Variants in GRAMD2B observed in about 807,000 individuals in gnomAD.
The protein encoded by GRAMD2B is GRAM domain containing 2B.
In GRAMD2B, 41 loss-of-function variants were observed where a neutral mutation model predicts 59.2. The observed-to-expected ratio is 0.69, with a 90% CI of 0.54 to 0.90. GRAMD2B has a LOEUF of 0.90. Ranked by LOEUF, GRAMD2B falls within the 40% of genes least tolerant of loss-of-function variation. The probability of loss-of-function intolerance (pLI) is 0.00; values close to 1 mark genes in which losing one functional copy is unlikely to be tolerated. For synonymous variants in GRAMD2B, 161 were observed against 182.7 expected (o/e 0.88, Z 0.96); for missense variants, 424 against 500.5 (o/e 0.85, Z 1.46).
At chr5:126,392,208 C>T (rs1269907291) in intron 1 of GRAMD2B, among the ~76,000 whole-genome samples, 1 of 152,126 alleles carries the variant, frequency 6.6e-6, no homozygotes, top group Non-Finnish European at 1.5e-5. Context: ...GTTGTGTTCC[C>T]CAAGACCAGC....
intron 1 of GRAMD2B, among the ~76,000 whole-genome samples, chr5:126,405,159 A>T (rs1311505566): frequency 6.6e-6 from 1 of 151,904 alleles, no homozygotes; most frequent in Non-Finnish European, 1.5e-5. Context: ...TAGGAAGAGG[A>T]GTAGAGGAAG....
At chr5:126,452,162 G>C (rs1211480154) in intron 1 of GRAMD2B, among the ~76,000 whole-genome samples, 1 of 152,160 alleles carries the variant, frequency 6.6e-6, no homozygotes, top group East Asian at 1.9e-4. Flanking sequence ...TCATGGTTTT[G>C]GAGGCTGGAA....
At chr5:126,459,750 C>T (rs1035547497) in intron 1 of GRAMD2B, among the ~76,000 whole-genome samples, 2 of 152,100 alleles carry the variant, frequency 1.3e-5, no homozygotes, top group Non-Finnish European at 2.9e-5. Context: ...TTTTGTGTGC[C>T]AGCTATTATG....
chr5:126,399,310 C>T (rs1025651118), intron 1 of GRAMD2B, among the ~76,000 whole-genome samples: 1 of 152,112 alleles, frequency 6.6e-6, no homozygotes, highest in Admixed American at 6.6e-5. Flanking sequence ...TATGGTTTAG[C>T]TCTGTGTCTC....
chr5:126,400,509 TTAGAG>T (rs1170055344), intron 1 of GRAMD2B, among the ~76,000 whole-genome samples: 1 of 81,854 alleles, frequency 1.2e-5, no homozygotes, highest in Non-Finnish European at 2.9e-5. Flanking sequence ...AATCACAAGA[TTAGAG>T]TATTCTGAAT....
intron 1 of GRAMD2B, among the ~76,000 whole-genome samples, chr5:126,375,838 TAA>T (rs955219259): frequency 1.2e-4 from 19 of 152,352 alleles, no homozygotes; most frequent in African/African-American, 4.3e-4. Flanking sequence ...TCCTTCTAGT[TAA>T]AGTTTTCCAA....
intron 1 of GRAMD2B, among the ~76,000 whole-genome samples, chr5:126,365,454 T>C (rs1398360382): frequency 6.6e-6 from 1 of 152,220 alleles, no homozygotes; most frequent in Non-Finnish European, 1.5e-5. Flanking sequence ...ATAATGCTAT[T>C]GAAATCAAGA....
intron 1 of GRAMD2B, among the ~76,000 whole-genome samples, chr5:126,410,092 C>T (rs1268839691): frequency 6.6e-6 from 1 of 151,880 alleles, no homozygotes; most frequent in Non-Finnish European, 1.5e-5. Context: ...GTTACTGTAG[C>T]CTTGTAGTAT....
intron 1 of GRAMD2B, among the ~76,000 whole-genome samples, chr5:126,409,935 T>TTAAATAGGGGATCCTTTCCCC (rs1554075346): frequency 7.1e-6 from 1 of 141,456 alleles, no homozygotes; most frequent in African/African-American, 2.6e-5. Context: ...GCACCATTTA[T>TTAAATAGGGGATCCTTTCCCC]TAAATAGGGA....
chr5:126,454,112 A>G (rs560525949), intron 1 of GRAMD2B, among the ~76,000 whole-genome samples: 3 of 152,342 alleles, frequency 2.0e-5, no homozygotes, highest in East Asian at 3.8e-4. Context: ...AGAACATGAT[A>G]TAAGTGCGGC....
At chr5:126,403,883 A>G (rs1201747419) in intron 1 of GRAMD2B, among the ~76,000 whole-genome samples, 1 of 151,908 alleles carries the variant, frequency 6.6e-6, no homozygotes. Context: ...CAACTTATAA[A>G]GTTCACAGTG....
upstream of GRAMD2B, among the ~76,000 whole-genome samples, chr5:126,369,735 C>T (rs537489726): frequency 6.6e-6 from 1 of 152,168 alleles, no homozygotes; most frequent in Admixed American, 6.5e-5. Context: ...CTGGAATTTC[C>T]TCCTTTAGAG....
intron 1 of GRAMD2B, among the ~76,000 whole-genome samples, chr5:126,393,117 T>G (rs942849601): frequency 1.3e-5 from 2 of 152,152 alleles, no homozygotes; most frequent in Non-Finnish European, 2.9e-5. Context: ...CACTACCTTT[T>G]CCCTTTTTTC....
At chr5:126,379,810 C>T (rs934577676) in intron 1 of GRAMD2B, among the ~76,000 whole-genome samples, 3 of 152,034 alleles carry the variant, frequency 2.0e-5, no homozygotes, top group South Asian at 2.1e-4. Context: ...GATATCAGTC[C>T]TTTGTCAGAT....
intron 1 of GRAMD2B, among the ~76,000 whole-genome samples, chr5:126,408,767 C>T (rs868526962): frequency 6.7e-6 from 1 of 149,832 alleles, no homozygotes; most frequent in African/African-American, 2.5e-5. Context: ...TATACATGTG[C>T]CATGCTGGTG....
At chr5:126,438,562 T>G (rs1762784377) in intron 1 of GRAMD2B, among the ~76,000 whole-genome samples, 1 of 152,136 alleles carries the variant, frequency 6.6e-6, no homozygotes, top group Admixed American at 6.6e-5. Context: ...AAAGATGAGT[T>G]GTGTTTCATC....
chr5:126,379,410 G>C (rs969703679), intron 1 of GRAMD2B, among the ~76,000 whole-genome samples: 1 of 151,976 alleles, frequency 6.6e-6, no homozygotes, highest in Non-Finnish European at 1.5e-5. Context: ...TTTTCCTCTG[G>C]GTAGATACCC....
At chr5:126,476,174 GA>G (rs1770573135) in intron 5 of GRAMD2B, among the ~76,000 whole-genome samples, 1 of 152,214 alleles carries the variant, frequency 6.6e-6, no homozygotes, top group Non-Finnish European at 1.5e-5. Flanking sequence ...TCAGGAGGCT[GA>G]GGCAGGAGAA....
intron 1 of GRAMD2B, among the ~76,000 whole-genome samples, chr5:126,400,172 A>G (rs10077311): frequency 0.77 from 117,422 of 151,798 alleles, 46,136 homozygotes; most frequent in Non-Finnish European, 0.85. Context: ...AGATAAAAAA[A>G]GATACTTCAT....
Sources: allele counts gnomAD v4.1 joint callset (sites outside exome capture counted in the v4.1 genomes callset), GRCh38; gene constraint gnomAD v4.1.1; transcripts MANE v1.5; gene names NCBI Gene and HGNC (gene_info 2026-07-23, HGNC 2026-07-21).